Variants in KCNN3 observed in about 807,000 individuals in gnomAD.
KCNN3 encodes the protein potassium calcium-activated channel subfamily N member 3, also known as small conductance calcium-activated potassium channel protein 3.
A neutral mutation model predicts 62.9 loss-of-function variants in KCNN3; 16 were observed. That is an observed-to-expected ratio of 0.25 (90% CI 0.17 to 0.39). The LOEUF (loss-of-function observed/expected upper bound fraction) is 0.39, where lower values mean the gene tolerates loss of function less well. Among genes scored for constraint, KCNN3 ranks in the 10% least tolerant of loss-of-function variants. The pLI is 1.00. For missense variants in KCNN3, 599 were observed against 949.4 expected (o/e 0.63, Z 4.85); for synonymous variants, 370 against 389.2 (o/e 0.95, Z 0.58).
intron 2 of KCNN3, among the ~76,000 whole-genome samples, chr1:154,819,212 C>T (rs56242561): frequency 0.21 from 31,331 of 152,036 alleles, 3,423 homozygotes; most frequent in African/African-American, 0.23. Flanking sequence ...AAGCAGGTTC[C>T]GCAGCTGGCT....
chr1:154,846,416 G>A (rs761761377), intron 1 of KCNN3, among the ~76,000 whole-genome samples: 4 of 152,218 alleles, frequency 2.6e-5, no homozygotes, highest in Admixed American at 6.5e-5. Flanking sequence ...TCTGGAGGAC[G>A]ATTAGGCAGC....
chr1:154,714,595 TGTGATGTGTGGTGTGTG>T (rs1333903315), intron 6 of KCNN3, among the ~76,000 whole-genome samples: 1 of 37,082 alleles, frequency 2.7e-5, no homozygotes, highest in African/African-American at 8.0e-5. Flanking sequence ...GTATGGTGTG[TGTGATGTGTGGTGTGTG>T]GTGTGTGTGT....
intron 1 of KCNN3, among the ~76,000 whole-genome samples, chr1:154,865,377 T>C (rs1652912802): frequency 6.6e-6 from 1 of 152,000 alleles, no homozygotes; most frequent in Non-Finnish European, 1.5e-5. Flanking sequence ...GACTCCTCAT[T>C]TGGTTCAAGG....
chr1:154,790,543 G>C (rs1649470407), intron 2 of KCNN3, among the ~76,000 whole-genome samples: 1 of 152,188 alleles, frequency 6.6e-6, no homozygotes, highest in Non-Finnish European at 1.5e-5. Context: ...AAACGGTAGA[G>C]TACTGTATCA....
chr1:154,711,514 A>AG (rs1700074908), intron 7 of KCNN3, among the ~76,000 whole-genome samples: 1 of 152,064 alleles, frequency 6.6e-6, no homozygotes. Context: ...CTAAAAAAAA[A>AG]AAAAAGAAAG....
chr1:154,716,813 G>A (rs1700241030), intron 5 of KCNN3, among the ~76,000 whole-genome samples: 1 of 152,198 alleles, frequency 6.6e-6, no homozygotes, highest in Non-Finnish European at 1.5e-5. Context: ...TCTGCTCAGG[G>A]AACTAGAGTG....
At position 154,732,904 on chromosome 1, in the gene KCNN3, C is replaced by G. The variant is rs1313722707; in HGVS notation, c.1590+99G>C. On this transcript the variant is annotated intron_variant, in intron 4 of 7. Transcript: ENST00000271915. ...CAGGTCGGTTAACTAACAGCCACCC[C>G]CCGCTCTGCGGCTAGGAAGGCCCCT... The G allele has an allele frequency of 2.0e-5, 28 of 1,368,102 alleles. No individual in the cohort carries two copies. In the South Asian group the frequency reaches 2.6e-4, roughly 13 times the overall value. The allele number at this position is 1,368,102 out of a possible 1,614,324, so 84.7% of individuals were successfully genotyped here.
chr1:154,757,970 G>A (rs570519377), intron 3 of KCNN3, among the ~76,000 whole-genome samples: 120 of 152,286 alleles, frequency 7.9e-4, no homozygotes, highest in African/African-American at 2.7e-3. Flanking sequence ...AACGTCACCT[G>A]CTAGTAAGAG....
intron 1 of KCNN3, among the ~76,000 whole-genome samples, chr1:154,826,813 T>C (rs539513675): frequency 6.6e-6 from 1 of 152,386 alleles, no homozygotes; most frequent in African/African-American, 2.4e-5. Context: ...ATGTATTTTA[T>C]TGTTTGGGTC....
At chr1:154,856,654 C>G (rs1157101553) in intron 1 of KCNN3, among the ~76,000 whole-genome samples, 2 of 152,182 alleles carry the variant, frequency 1.3e-5, no homozygotes, top group East Asian at 3.9e-4. Context: ...CTCTGCCTTA[C>G]AAACAGCAAT....
chr1:154,779,429 T>C (rs937494038), intron 2 of KCNN3, among the ~76,000 whole-genome samples: 1 of 152,134 alleles, frequency 6.6e-6, no homozygotes, highest in Non-Finnish European at 1.5e-5. Flanking sequence ...CCTTCTCAAG[T>C]AACTGGGTGA....
At position 154,713,600 on chromosome 1, in the gene KCNN3, T is replaced by A. The variant is rs77996294; in HGVS notation, c.1830-67A>T. 7.7e-3 allele frequency: 10,139 copies of A among 1,308,284 alleles called. 64 individuals carry two copies. The highest frequency in any genetic ancestry group is 0.01 in the Non-Finnish European group (9,272 of 906,024). The allele number at this position is 1,308,284 out of a possible 1,614,324, so 81.0% of individuals were successfully genotyped here. A position where few individuals can be genotyped will look rare whatever the true frequency, so the allele number is the denominator to read the frequency against. ...GCAAAGGTTTAGCCCCACCAGCAGA[T>A]CCTCCAGCCCTACCACTGCCTCTGA... On this transcript the variant is annotated intron_variant, in intron 6 of 7. Transcript: ENST00000271915.
intron 2 of KCNN3, among the ~76,000 whole-genome samples, chr1:154,807,431 C>T (rs1309111454): frequency 3.3e-5 from 5 of 152,164 alleles, no homozygotes; most frequent in African/African-American, 1.2e-4. Context: ...AGAAGCCCCC[C>T]GCACAAAGTC....
intron 1 of KCNN3, among the ~76,000 whole-genome samples, chr1:154,826,237 A>G (rs982615587): frequency 3.3e-5 from 5 of 152,160 alleles, no homozygotes; most frequent in African/African-American, 1.2e-4. Context: ...GTAGAAAAAG[A>G]CTGAAAATAT....
intron 1 of KCNN3, among the ~76,000 whole-genome samples, chr1:154,828,336 A>G (rs1459088445): frequency 6.8e-6 from 1 of 146,352 alleles, no homozygotes; most frequent in Admixed American, 6.8e-5. Context: ...CATGTCCAAC[A>G]CTCATTCCTT....
intron 2 of KCNN3, among the ~76,000 whole-genome samples, chr1:154,811,441 A>G (rs1230517633): frequency 6.6e-6 from 1 of 152,236 alleles, no homozygotes; most frequent in East Asian, 1.9e-4. Flanking sequence ...GCTAAATTAT[A>G]GGTTATGTAT....
chr1:154,762,691 T>C (rs1274449132), intron 3 of KCNN3, among the ~76,000 whole-genome samples: 1 of 152,222 alleles, frequency 6.6e-6, no homozygotes, highest in Non-Finnish European at 1.5e-5. Context: ...GTTTTTTCCT[T>C]CATGTTTCTT....
At chr1:154,794,461 C>G (rs1649642727) in intron 2 of KCNN3, among the ~76,000 whole-genome samples, 1 of 152,220 alleles carries the variant, frequency 6.6e-6, no homozygotes, top group African/African-American at 2.4e-5. Flanking sequence ...CCCTCTGCTG[C>G]AAGATCAGTC....
chr1:154,867,341 T>G (rs1165865246), intron 1 of KCNN3, among the ~76,000 whole-genome samples: 2 of 152,196 alleles, frequency 1.3e-5, no homozygotes, highest in Non-Finnish European at 2.9e-5. Flanking sequence ...CCCACTCGCT[T>G]CTGCTCGCTG....
Sources: gnomAD v4.1 joint callset for allele counts (sites outside exome capture counted in the v4.1 genomes callset) on GRCh38, gnomAD v4.1.1 for gene constraint, MANE v1.5 for transcripts, NCBI Gene and HGNC (gene_info 2026-07-23, HGNC 2026-07-21) for gene names.